MACF1: variants seen among roughly 807,000 people sequenced by gnomAD.
The protein encoded by MACF1 is microtubule-actin cross-linking factor 1.
In MACF1, 193 loss-of-function variants were observed where a neutral mutation model predicts 854.8. That is an observed-to-expected ratio of 0.23 (90% CI 0.20 to 0.25). The LOEUF is 0.25. MACF1 is among the 10% of genes least tolerant of loss of function. MACF1 has a pLI of 1.00. For synonymous variants in MACF1, 3,185 were observed against 3,226.7 expected (o/e 0.99, Z 0.44); for missense variants, 7,722 against 8,929.1 (o/e 0.86, Z 5.45).
chr1:39,319,556 T>C (rs1557585313), intron 30 of MACF1, 108 bp from the exon 31 acceptor site: 1 of 720,608 alleles, frequency 1.4e-6, no homozygotes, highest in Non-Finnish European at 2.3e-6. Context: ...TTTCCAGCAA[T>C]TCTGATGCAG....
At chr1:39,348,325 G>A (rs1409405497) in intron 41 of MACF1, among the ~76,000 whole-genome samples, 2 of 152,184 alleles carry the variant, frequency 1.3e-5, no homozygotes, top group East Asian at 3.8e-4. Context: ...ACAAGACCCA[G>A]CCCAGATTCA....
chr1:39,269,198 T>C, intron 6 of MACF1: 2 of 1,289,946 alleles, frequency 1.6e-6, no homozygotes, highest in Non-Finnish European at 2.0e-6. Flanking sequence ...TGGAATTTCC[T>C]AGGACAGCAT....
In MACF1 at chr1:39,388,610, A is replaced by G; in HGVS notation, c.15768A>G (p.Val5256=). The change falls in exon 58 of 101, where the codon GTA becomes GTG. Residue 5256 remains valine, a synonymous_variant. Transcript: ENST00000564288. ...AGGAGGCAGAGGCCCTCCAGTGGGT[A>G]GTGGGGACCGAAGTGGAAATCATCA... The part of the protein sequence containing the change: ...AAEEAEALQW[V]VGTEVEIINQ... 1 of 1,600,186 alleles carries G rather than the reference A, an allele frequency of 6.2e-7. No homozygotes were observed.
At chr1:39,291,041 C>T (rs1645773420) in intron 15 of MACF1, among the ~76,000 whole-genome samples, 1 of 151,638 alleles carries the variant, frequency 6.6e-6, no homozygotes, top group African/African-American at 2.4e-5. Flanking sequence ...GCGTGATCTC[C>T]AGTCACTGCA....
rs780245280 is a variant in MACF1 at position 39,335,299 on chromosome 1, A to G, written c.8711A>G (p.Asn2904Ser). The G allele has an allele frequency of 5.0e-6, 8 of 1,614,146 alleles. No homozygotes were observed. Among genetic ancestry groups the G allele is most frequent in the Non-Finnish European group, 6.8e-6 (8 of 1,179,994 alleles). Residue 2904 changes from asparagine (N) to serine (S), a missense_variant, in exon 37 of 101, where the codon AAT becomes AGT. Around this residue, in one of 15 missense-constraint regions of MACF1, gnomAD observed 854 missense variants for 852.6 expected, o/e 1.00. Transcript: ENST00000564288. ...GAAGTGGCTAGAAATAACATGGGAAATGATACAAATGAAGAGCAGGAAAAA... is the reference window on the plus strand; with the variant it reads ...GAAGTGGCTAGAAATAACATGGGAAGTGATACAAATGAAGAGCAGGAAAAA... ...LKEVARNNMG[N>S]DTNEEQEKAV...
intron 54 of MACF1, 36 bp downstream of exon 54, chr1:39,379,480 G>T (rs1649994421): frequency 6.3e-7 from 1 of 1,581,970 alleles, no homozygotes. Context: ...CCAACACCAA[G>T]AGGAAGAGAC....
Position 39,357,058 on chromosome 1 carries a change from G to T in MACF1, c.11425-317G>T, listed in dbSNP as rs188868655. On this transcript the variant is annotated intron_variant, in intron 44 of 100. Coordinates refer to ENST00000564288, the MANE Select transcript of MACF1 (RefSeq NM_001394062.1). ...TGGAAAAGTGATCTATTGAGTAGAG[G>T]TAGAGACCTCTCCCTACTTCTAGCT... Among the ~76,000 whole-genome samples, 4 of 152,322 alleles carry T rather than the reference G, an allele frequency of 2.6e-5. No individual in the cohort carries two copies. The East Asian group carries it at 7.7e-4, about 29-fold the overall frequency.
intron 2 of MACF1, among the ~76,000 whole-genome samples, chr1:39,181,480 C>T (rs996421995): frequency 2.0e-5 from 3 of 152,044 alleles, no homozygotes; most frequent in Non-Finnish European, 4.4e-5. Flanking sequence ...CTTCTTTCTT[C>T]TCCTCCTCCT....
chr1:39,091,735 C>T (rs1207883945), intron 2 of MACF1, among the ~76,000 whole-genome samples: 1 of 152,096 alleles, frequency 6.6e-6, no homozygotes, highest in Admixed American at 6.5e-5. Context: ...CTCTTGACCT[C>T]GTGATCCACC....
At chr1:39,405,894 T>C (rs78231541) in intron 58 of MACF1, among the ~76,000 whole-genome samples, 5 of 151,866 alleles carry the variant, frequency 3.3e-5, no homozygotes, top group Admixed American at 3.3e-4. Flanking sequence ...TTTTTTTTTT[T>C]GTAGCTATCA....
chr1:39,404,041 A>G (rs994744768), intron 58 of MACF1, among the ~76,000 whole-genome samples: 4 of 152,052 alleles, frequency 2.6e-5, no homozygotes, highest in Non-Finnish European at 4.4e-5. Flanking sequence ...AGGCAGGAGA[A>G]TCGCTTGAAC....
upstream of MACF1, among the ~76,000 whole-genome samples, chr1:39,202,060 G>A (rs374739656): frequency 1.1e-4 from 16 of 142,308 alleles, no homozygotes; most frequent in African/African-American, 3.7e-4. Context: ...TCTGCCTCCC[G>A]GGTTCAAACC....
chr1:39,452,598 A>G, intron 86 of MACF1, 86 bp from the exon 87 acceptor site: 2 of 1,559,666 alleles, frequency 1.3e-6, no homozygotes, highest in South Asian at 1.1e-5. Context: ...GTCTGAATGA[A>G]CACTGGACCC....
chr1:39,480,721 T>C (rs959471725), intron 98 of MACF1, among the ~76,000 whole-genome samples, 199 bp from the exon 99 acceptor site: 3 of 152,106 alleles, frequency 2.0e-5, no homozygotes, highest in Non-Finnish European at 2.9e-5. Flanking sequence ...CTAAGTTTGA[T>C]GTTATGATGG....
Position 39,295,145 on chromosome 1 carries a change from G to A in MACF1, c.2254G>A (p.Val752Met). ...TGAGAACCACCCAGCCAAGCAGACAGTGGAGGTGTGTGACTTGAGAATGTG... is the reference window on the plus strand; with the variant it reads ...TGAGAACCACCCAGCCAAGCAGACAATGGAGGTGTGTGACTTGAGAATGTG... ...SLENHPAKQT[V>M]EAYSAAVQSQ... Residue 752 changes from valine to methionine, a missense_variant, in exon 19 of 101, where the codon GTG (valine) becomes ATG (methionine). This residue lies in a region of MACF1 where 1,137 missense variants were observed against 1,263.0 expected (regional missense o/e 0.90). Transcript: ENST00000564288. The A allele has an allele frequency of 4.3e-6, 7 of 1,613,318 alleles. No individual in the cohort carries two copies. The highest frequency in any genetic ancestry group is 5.1e-6 in the Non-Finnish European group (6 of 1,179,260).
Position 39,285,203 on chromosome 1 carries a change from G to A in MACF1, c.1252G>A (p.Val418Met). The part of the protein sequence containing the change: ...LEREKSLRPA[V>M]ERLELLLQIA... ...ACGAGAGAAATCACTTCGGCCGGCT[G>A]TGGAGAGGTGGGTCCAGATCCTGAG... Residue 418 changes from valine to methionine, a missense_variant, in exon 12 of 101, where the codon GTG (valine) becomes ATG (methionine). Coordinates refer to ENST00000564288, the MANE Select transcript of MACF1 (RefSeq NM_001394062.1). 6.2e-7 allele frequency: 1 copy of A among 1,614,244 alleles called. No individual in the cohort carries two copies. Among genetic ancestry groups the A allele is most frequent in the South Asian group, 1.1e-5 (1 of 91,086 alleles).
At chr1:39,361,867 A>G (rs1648213661) in intron 49 of MACF1, among the ~76,000 whole-genome samples, 190 bp downstream of exon 49, 1 of 152,060 alleles carries the variant, frequency 6.6e-6, no homozygotes, top group South Asian at 2.1e-4. Flanking sequence ...GTCAATATTT[A>G]TTTTTCACTC....
chr1:39,422,511 T>C lies in MACF1; in HGVS notation c.15954T>C (p.Ala5318=). Residue 5318 remains alanine, a synonymous_variant, in exon 59 of 101, where the codon GCT becomes GCC. Transcript: ENST00000564288. ...AACATGACATGGAAGAGATCAATGC[T>C]CGATGGAATACATTGAATAAAAAGG... is the stretch of plus-strand genomic sequence containing the variant. ...GLEHDMEEIN[A]RWNTLNKKVA... The C allele has an allele frequency of 2.5e-6, 4 of 1,613,088 alleles. No homozygotes were observed. Among genetic ancestry groups the C allele is most frequent in the Non-Finnish European group, 3.4e-6 (4 of 1,179,488 alleles).
At chr1:39,155,925 T>A (rs1366279131) in intron 2 of MACF1, among the ~76,000 whole-genome samples, 1 of 151,436 alleles carries the variant, frequency 6.6e-6, no homozygotes, top group Non-Finnish European at 1.5e-5. Flanking sequence ...TCTTGCTCTG[T>A]CGCCCAGGCT....
Sources: gnomAD v4.1 joint callset for allele counts (sites outside exome capture counted in the v4.1 genomes callset) on GRCh38, gnomAD v4.1.1 for gene constraint, gnomAD v4.1.1 regional missense constraint, MANE v1.5 for transcripts, NCBI Gene and HGNC (gene_info 2026-07-23, HGNC 2026-07-21) for gene names.